WDR90: variants seen among roughly 807,000 people sequenced by gnomAD.
WDR90 encodes WD repeat domain 90, also known as WD repeat-containing protein 90.
Under a neutral mutation model 195.2 loss-of-function variants are expected in WDR90, and 238 were observed. That is an observed-to-expected ratio of 1.22 (90% CI 1.10 to 1.36). The LOEUF (loss-of-function observed/expected upper bound fraction) is 1.36. Among genes scored for constraint, WDR90 ranks in the 40% most tolerant of loss-of-function variants. The pLI is 0.00. For synonymous variants in WDR90, 1,265 were observed against 1,052.4 expected (o/e 1.20, Z -3.91); for missense variants, 2,734 against 2,439.5 (o/e 1.12, Z -2.54).
At position 659,298 on chromosome 16, in the gene WDR90, C is replaced by A. The variant is rs998632509; in HGVS notation, c.3106C>A (p.Arg1036=). The A allele has an allele frequency of 1.2e-6, 2 of 1,602,290 alleles. No homozygotes were observed. The highest frequency in any genetic ancestry group is 1.7e-5 in the Admixed American group (1 of 58,334). Reference sequence around the variant, plus strand: ...AGCGTCCAGGGCCAGCGAGCTCCCCCGGCAGCAGGTCCCCAAGCCATGTCA... The same window carrying A: ...AGCGTCCAGGGCCAGCGAGCTCCCCAGGCAGCAGGTCCCCAAGCCATGTCA... ...DAASRASELP[R]QQVPKPCQAS... Residue 1036 remains arginine (R), a synonymous_variant, in exon 26 of 41, where the codon CGG becomes AGG. Transcript: ENST00000293879.
Position 661,461 on chromosome 16 carries a change from C to T in WDR90, c.3633C>T (p.Ala1211=), listed in dbSNP as rs370710629. The T allele has an allele frequency of 5.0e-6, 8 of 1,611,408 alleles. No individual in the cohort carries two copies. Among genetic ancestry groups the T allele is most frequent in the Middle Eastern group, 1.6e-4 (1 of 6,078 alleles). The change falls in exon 30 of 41, where the codon GCC becomes GCT. Residue 1211 remains alanine (A), a synonymous_variant. Transcript: ENST00000293879. ...LIFPHSTTVL[A]LAFSPDDRLL... is the part of the protein sequence containing the mutation. ...TCCCCCATAGCACCACCGTGCTGGC[C>T]CTGGCCTTCTCACCAGATGACAGGC...
rs1375460252 is a variant in WDR90, at chr16:666,947, A to G, written c.5047A>G (p.Ser1683Gly). The G allele has an allele frequency of 1.2e-6, 2 of 1,612,416 alleles. No homozygotes were observed. Among genetic ancestry groups the G allele is most frequent in the Admixed American group, 3.3e-5 (2 of 59,914 alleles). The change falls in exon 40 of 41, where the codon AGC becomes GGC. Residue 1683 changes from serine (S) to glycine (G), a missense_variant. Ser to Gly is a moderately conservative substitution (Grantham distance 56). Transcript: ENST00000293879. ...ACTGCCCTTTTTTGCCATGTCCCTG[A>G]GCCTGTCCCCCGGGACCCACCTCCT... ...IPLPFFAMSL[S>G]LSPGTHLLAV...
rs760388247 is a variant in WDR90, at chr16:666,505, G to T, written c.4791G>T (p.Gly1597=). Reference sequence around the variant, plus strand: ...CAGACCTATGGCTGGCTGCCAGTGGGGACCAGCGGGTCAGCGTCTGGGCCT... The same window carrying T: ...CAGACCTATGGCTGGCTGCCAGTGGTGACCAGCGGGTCAGCGTCTGGGCCT... ...EGTDLWLAAS[G]DQRVSVWASD... The change falls in exon 38 of 41, where the codon GGG becomes GGT. Residue 1597 remains glycine, a synonymous_variant. Coordinates refer to ENST00000293879, the MANE Select transcript of WDR90 (RefSeq NM_145294.5). 1.9e-6 allele frequency: 3 copies of T among 1,612,772 alleles called. No homozygotes were observed. Among genetic ancestry groups the T allele is most frequent in the East Asian group, 4.5e-5 (2 of 44,884 alleles).
At chr16:650,385 A>T (rs2037620022) in intron 4 of WDR90, 23 bp downstream of exon 4, 1 of 1,607,882 alleles carries the variant, frequency 6.2e-7, no homozygotes, top group Non-Finnish European at 8.5e-7. Flanking sequence ...TGGGGTGTGG[A>T]TGATCCAGGA....
chr16:656,163 G>A, intron 17 of WDR90, 139 bp from the exon 18 acceptor site: 1 of 866,482 alleles, frequency 1.2e-6, no homozygotes, highest in South Asian at 1.7e-5. Context: ...CCTCGAGGGA[G>A]CTGCATCTTG....
chr16:654,195 A>T, intron 13 of WDR90: 1 of 245,012 alleles, frequency 4.1e-6, no homozygotes, highest in Non-Finnish European at 7.8e-6. Flanking sequence ...GCACCTTTTT[A>T]AACATTTTTT....
Position 657,392 on chromosome 16 carries a change from T to TA in WDR90, c.2473+172dup, listed in dbSNP as rs2037783583. The TA allele has an allele frequency of 2.5e-5, 28 of 1,101,622 alleles. No individual in the cohort carries two copies. The South Asian group carries it at 4.0e-4, about 16-fold the overall frequency. The allele number at this position is 1,101,622 out of a possible 1,614,324, so 68.2% of individuals were successfully genotyped here. A position where few individuals can be genotyped will look rare whatever the true frequency, so the allele number is the denominator to read the frequency against. On this transcript the variant is annotated intron_variant, in intron 20 of 40. Transcript: ENST00000293879. ...TCAAGGCCCTGAGGAGACTGTGGTTTAGCGTTCACTGGACCCCAAGGCCAG... is the reference window on the plus strand; with the variant it reads ...TCAAGGCCCTGAGGAGACTGTGGTTTAAGCGTTCACTGGACCCCAAGGCCAG...
At position 662,664 on chromosome 16, in the gene WDR90, C is replaced by T. The variant is rs775856797; in HGVS notation, c.4146-15C>T. The T allele has an allele frequency of 1.1e-5, 17 of 1,529,832 alleles. No homozygotes were observed. The African/African-American group carries it at 1.8e-4, about 16-fold the overall frequency. The allele number at this position is 1,529,832 out of a possible 1,614,324, so 94.8% of individuals were successfully genotyped here. ...AGACCCATTGTTCTCTCCTTCCCTG[C>T]ACCCTGAGGTCCAGTTCTGTGTTCA... On this transcript the variant is annotated splice_polypyrimidine_tract_variant and intron_variant, in intron 33 of 40. Transcript: ENST00000293879.
rs760625310 is a variant in WDR90, at chr16:655,440, G to A, written c.1690G>A (p.Gly564Ser). The A allele has an allele frequency of 4.2e-5, 65 of 1,561,814 alleles. No homozygotes were observed. The highest frequency in any genetic ancestry group is 3.1e-4 in the Admixed American group (17 of 54,984). Reference sequence around the variant, plus strand: ...CCTGGCCTTCAAGCAGGCCCGGGACGGCTGCCCGGAGCCCTCGGCTGCCAT... The same window carrying A: ...CCTGGCCTTCAAGCAGGCCCGGGACAGCTGCCCGGAGCCCTCGGCTGCCAT... ...TDLAFKQARD[G>S]CPEPSAAMLF... is the part of the protein sequence containing the mutation. Residue 564 changes from glycine to serine, a missense_variant, in exon 15 of 41, where the codon GGC becomes AGC. Physicochemically the swap from Gly to Ser is moderately conservative, Grantham distance 56. Transcript: ENST00000293879.
chr16:666,921 C>A lies in WDR90; in HGVS notation c.5021C>A (p.Pro1674Gln). 6.2e-7 allele frequency: 1 copy of A among 1,613,154 alleles called. No homozygotes were observed. Among genetic ancestry groups the A allele is most frequent in the Non-Finnish European group, 8.5e-7 (1 of 1,179,810 alleles). Residue 1674 changes from proline (P) to glutamine (Q), a missense_variant, in exon 40 of 41, where the codon CCA (proline) becomes CAA (glutamine). Transcript: ENST00000293879. ...TGCTCACAGGTGGTGGAGAAGATAC[C>A]ACTGCCCTTTTTTGCCATGTCCCTG... ...LCQKQVVEKI[P>Q]LPFFAMSLSL...
chr16:661,635 G>T lies in WDR90; in HGVS notation c.3712G>T (p.Ala1238Ser). 6.2e-7 allele frequency: 1 copy of T among 1,604,618 alleles called. No homozygotes were observed. Reference sequence around the variant, plus strand: ...CCGCACCCTCGCCCTGTGGGGCACGGCCACCTATGACCTCGTGTCCTCCAC... The same window carrying T: ...CCGCACCCTCGCCCTGTGGGGCACGTCCACCTATGACCTCGTGTCCTCCAC... ...DGRTLALWGT[A>S]TYDLVSSTRL... Residue 1238 changes from alanine to serine, a missense_variant, in exon 31 of 41, where the codon GCC becomes TCC. Transcript: ENST00000293879.
At chr16:653,169 G>T (rs1334721933) in intron 10 of WDR90, among the ~76,000 whole-genome samples, 172 bp from the exon 11 acceptor site, 1 of 152,184 alleles carries the variant, frequency 6.6e-6, no homozygotes, top group Non-Finnish European at 1.5e-5. Context: ...TGTATGTAGT[G>T]TGTGCAGGGT....
At chr16:660,787 G>A in intron 28 of WDR90, 73 bp downstream of exon 28, 1 of 1,456,888 alleles carries the variant, frequency 6.9e-7, no homozygotes, top group Non-Finnish European at 9.3e-7. Flanking sequence ...TCCACCCCAA[G>A]GCCAGGACCT....
Position 655,838 on chromosome 16 carries a change from G to A in WDR90, c.1915G>A (p.Gly639Ser), listed in dbSNP as rs1383757997. The change falls in exon 17 of 41, where the codon GGC (glycine) becomes AGC (serine). Residue 639 changes from glycine to serine, a missense_variant. Coordinates refer to ENST00000293879, the MANE Select transcript of WDR90 (RefSeq NM_145294.5). The part of the protein sequence containing the change: ...PAMCAVGSED[G>S]FLRLWPLDFS... ...CATGTGTGCTGTGGGCTCTGAGGAC[G>A]GCTTCTTGCGGCTCTGGCCCCTGGA... 1.3e-6 allele frequency: 2 copies of A among 1,598,810 alleles called. No homozygotes were observed. Among genetic ancestry groups the A allele is most frequent in the Non-Finnish European group, 1.7e-6 (2 of 1,174,714 alleles).
intron 7 of WDR90, 57 bp downstream of exon 7, chr16:651,323 C>T (rs948541166): frequency 2.1e-5 from 34 of 1,583,232 alleles, no homozygotes; most frequent in Middle Eastern, 3.9e-4. Flanking sequence ...GCGTGGGGCT[C>T]GGTAGGAGAG....
In WDR90 at chr16:652,050, A is replaced by G; in HGVS notation, c.1053+11A>G. 6.3e-7 allele frequency: 1 copy of G among 1,581,794 alleles called. No individual in the cohort carries two copies. The highest frequency in any genetic ancestry group is 8.6e-7 in the Non-Finnish European group (1 of 1,167,000). ...ACCGGCTCCTGCGAAGTGAGTGCCC[A>G]TCCCACAGCAGGCGGGGCCTGGTGA... On this transcript the variant is annotated intron_variant, in intron 9 of 40. Coordinates refer to ENST00000293879, the MANE Select transcript of WDR90 (RefSeq NM_145294.5).
At position 660,688 on chromosome 16, in the gene WDR90, C is replaced by T; in HGVS notation, c.3365C>T (p.Ala1122Val). The T allele has an allele frequency of 6.3e-7, 1 of 1,577,302 alleles. No homozygotes were observed. The highest frequency in any genetic ancestry group is 8.6e-7 in the Non-Finnish European group (1 of 1,162,416). The change falls in exon 28 of 41, where the codon GCC becomes GTC. Residue 1122 changes from alanine to valine, a missense_variant. Ala to Val is a moderately conservative substitution (Grantham distance 64). Coordinates refer to ENST00000293879, the MANE Select transcript of WDR90 (RefSeq NM_145294.5). ...AVVGYSGNGRANMVWRPDTGF... is the reference protein window; with the variant it reads ...AVVGYSGNGRVNMVWRPDTGF... ...GTCGGTTACAGCGGGAATGGGCGGG[C>T]CAACATGGTCTGGAGGCCGGACACA... is the stretch of plus-strand genomic sequence containing the variant.
In WDR90 at chr16:658,311, G is replaced by A. The variant is rs1356849049; in HGVS notation, c.2733G>A (p.Val911=). 6.2e-7 allele frequency: 1 copy of A among 1,612,448 alleles called. No homozygotes were observed. The highest frequency in any genetic ancestry group is 1.3e-5 in the African/African-American group (1 of 74,930). ...CCACCTCGTCCAACAGAGTCGTGGT[G>A]CTGGATGCTGTGTCGGGCCGCATCA... ...LVSTSSNRVV[V]LDAVSGRIIR... The change falls in exon 22 of 41, where the codon GTG becomes GTA. Residue 911 remains valine (V), a synonymous_variant. Coordinates refer to ENST00000293879, the MANE Select transcript of WDR90 (RefSeq NM_145294.5).
intron 32 of WDR90, 23 bp from the exon 33 acceptor site, chr16:662,197 C>T (rs745728186): frequency 7.2e-6 from 11 of 1,527,660 alleles, no homozygotes; most frequent in Non-Finnish European, 9.7e-6. Context: ...GCCGTGGCCC[C>T]TTATGGCTCC....
Sources: gnomAD v4.1 joint callset for allele counts (sites outside exome capture counted in the v4.1 genomes callset) on GRCh38, gnomAD v4.1.1 for gene constraint, MANE v1.5 for transcripts, NCBI Gene and HGNC (gene_info 2026-07-23, HGNC 2026-07-21) for gene names.